The following SLC9A9 variants were observed in gnomAD, a reference collection of about 807,000 sequenced individuals.
SLC9A9 encodes the protein sodium/hydrogen exchanger 9.
Under a neutral mutation model 77.8 loss-of-function variants are expected in SLC9A9, and 62 were observed. The ratio of observed to expected loss-of-function variants is 0.80; its 90% CI spans 0.65 to 0.98. The LOEUF (loss-of-function observed/expected upper bound fraction) is 0.98, where lower values mean the gene tolerates loss of function less well. Ranked by LOEUF, SLC9A9 falls within the 50% of genes least tolerant of loss-of-function variation. The probability of loss-of-function intolerance (pLI) is 0.00; values close to 1 mark genes in which losing one functional copy is unlikely to be tolerated. For missense variants in SLC9A9, 775 were observed against 774.9 expected, an observed-to-expected ratio of 1.00 and a Z score of 0.00; for synonymous variants, 320 against 283.5, an observed-to-expected ratio of 1.13 and a Z score of -1.29.
rs182367357 is a variant in SLC9A9, at chr3:143,778,243, T to C, written c.533+16758A>G. Among the ~76,000 whole-genome samples, 13 of 152,226 alleles carry C rather than the reference T, an allele frequency of 8.5e-5. No homozygotes were observed. The East Asian group carries it at 1.5e-3, about 18-fold the overall frequency. ...CAGCACTGGTCTACAGACAACACTA[T>C]CAGTAAGATTGTACTAATGGCCTTT... On this transcript the variant is annotated intron_variant, in intron 4 of 15. Transcript: ENST00000316549.
At chr3:143,718,407 A>C (rs1268138386) in intron 4 of SLC9A9, among the ~76,000 whole-genome samples, 1 of 152,200 alleles carries the variant, frequency 6.6e-6, no homozygotes, top group Non-Finnish European at 1.5e-5. Context: ...AACAGTATCC[A>C]TAACACCAAC....
Position 143,266,689 on chromosome 3 carries a change from C to T in SLC9A9, c.*13G>A, listed in dbSNP as rs1356720882. ...TGCATTACTTGTGATTACATCTGTA[C>T]TCTTCATGCCAATTAATTCAACTGG... is the stretch of plus-strand genomic sequence containing the variant. On this transcript the variant is annotated 3_prime_UTR_variant, in exon 16 of 16. Transcript: ENST00000316549. The T allele has an allele frequency of 1.2e-6, 2 of 1,613,668 alleles. No individual in the cohort carries two copies. Among genetic ancestry groups the T allele is most frequent in the East Asian group, 2.2e-5 (1 of 44,852 alleles).
chr3:143,778,037 CA>C (rs748982877), intron 4 of SLC9A9, among the ~76,000 whole-genome samples: 1,483 of 75,558 alleles, frequency 0.02, 100 homozygotes, highest in African/African-American at 0.068. Flanking sequence ...TTATAAAATG[CA>C]AAAAAAAAAA....
intron 12 of SLC9A9, among the ~76,000 whole-genome samples, chr3:143,419,816 T>A (rs114972908): frequency 6.6e-6 from 1 of 152,180 alleles, no homozygotes; most frequent in East Asian, 1.9e-4. Context: ...AGGTTGATGA[T>A]GCTGAATTTA....
chr3:143,429,695 T>G (rs1459982155), intron 12 of SLC9A9, among the ~76,000 whole-genome samples: 4 of 151,778 alleles, frequency 2.6e-5, no homozygotes, highest in Non-Finnish European at 2.9e-5. Context: ...AGGAGGGGAG[T>G]GCACACCCAG....
chr3:143,600,531 A>G (rs2037830100), intron 6 of SLC9A9, among the ~76,000 whole-genome samples: 1 of 152,208 alleles, frequency 6.6e-6, no homozygotes, highest in Non-Finnish European at 1.5e-5. Context: ...CACATGGGTA[A>G]GTTGAGCTTT....
intron 4 of SLC9A9, among the ~76,000 whole-genome samples, chr3:143,752,802 C>A (rs1328506735): frequency 6.6e-6 from 1 of 151,650 alleles, no homozygotes; most frequent in Non-Finnish European, 1.5e-5. Flanking sequence ...GGGAGATAAG[C>A]TTTGCTCCCA....
intron 6 of SLC9A9, among the ~76,000 whole-genome samples, chr3:143,613,350 TAA>T (rs1314203762): frequency 3.3e-5 from 5 of 152,172 alleles, no homozygotes; most frequent in African/African-American, 7.2e-5. Flanking sequence ...AAAAGAAAAT[TAA>T]GACTGTTGTG....
chr3:143,700,340 A>G (rs1418086636), intron 4 of SLC9A9, among the ~76,000 whole-genome samples: 2 of 152,086 alleles, frequency 1.3e-5, no homozygotes, highest in East Asian at 3.9e-4. Context: ...CTTGCACCTC[A>G]GGTATCTGCT....
chr3:143,463,693 A>G lies in SLC9A9; in HGVS notation c.1469+3344T>C, dbSNP rs116001069. Reference sequence around the variant, plus strand: ...GAGGAGTCTTTTCCTTTTCTCCAGAATTTTAAAAAGCAAAGGTCTGATTTA... The same window carrying G: ...GAGGAGTCTTTTCCTTTTCTCCAGAGTTTTAAAAAGCAAAGGTCTGATTTA... On this transcript the variant is annotated intron_variant, in intron 12 of 15. Coordinates refer to ENST00000316549, the MANE Select transcript of SLC9A9 (RefSeq NM_173653.4). 7.6e-3 allele frequency among the ~76,000 whole-genome samples: 1,153 copies of G among 152,290 alleles called. 19 individuals are homozygous for G. The highest frequency in any genetic ancestry group is 0.026 in the African/African-American group (1,100 of 41,556).
chr3:143,407,489 C>T (rs533573249), intron 12 of SLC9A9, among the ~76,000 whole-genome samples: 4 of 152,214 alleles, frequency 2.6e-5, no homozygotes, highest in African/African-American at 9.6e-5. Flanking sequence ...TGAATAAAAA[C>T]TTTATGTAAC....
chr3:143,478,414 C>T (rs1368313311), intron 11 of SLC9A9, among the ~76,000 whole-genome samples: 2 of 152,154 alleles, frequency 1.3e-5, no homozygotes, highest in African/African-American at 2.4e-5. Context: ...CATGGAACCC[C>T]CAGTTCTCGA....
intron 4 of SLC9A9, among the ~76,000 whole-genome samples, chr3:143,722,464 C>T (rs1391389019): frequency 1.2e-5 from 1 of 83,754 alleles, no homozygotes; most frequent in Non-Finnish European, 2.1e-5. Flanking sequence ...CAGAGCGAGA[C>T]TCCATCTCAA....
chr3:143,274,334 G>A (rs1388170733), intron 14 of SLC9A9, among the ~76,000 whole-genome samples: 4 of 152,070 alleles, frequency 2.6e-5, no homozygotes, highest in Non-Finnish European at 4.4e-5. Flanking sequence ...CTTTACACTT[G>A]TAATTGGGTA....
chr3:143,487,835 A>T (rs1043569193), intron 11 of SLC9A9, among the ~76,000 whole-genome samples: 1 of 151,786 alleles, frequency 6.6e-6, no homozygotes. Context: ...CAACTTAAAT[A>T]AACAAGAAAA....
Position 143,795,066 on chromosome 3 carries a change from A to G in SLC9A9, c.468T>C (p.Phe156=), listed in dbSNP as rs776876304. 3.7e-6 allele frequency: 6 copies of G among 1,613,380 alleles called. No homozygotes were observed. The highest frequency in any genetic ancestry group is 1.3e-5 in the African/African-American group (1 of 75,002). ...ACGTTAAAATAGATCCTAAGTTTTG[A>G]AAAAAGTGTCTCTGGGGAGAAAAAA... ...AGYSLKKRHF[F]QNLGSILTYA... Residue 156 remains phenylalanine, a synonymous_variant, in exon 4 of 16, where the codon TTT becomes TTC. Coordinates refer to ENST00000316549, the MANE Select transcript of SLC9A9 (RefSeq NM_173653.4).
intron 14 of SLC9A9, among the ~76,000 whole-genome samples, chr3:143,318,773 C>T (rs6806620): frequency 0.081 from 12,339 of 152,088 alleles, 1,115 homozygotes; most frequent in African/African-American, 0.22. Flanking sequence ...CAAATGTAGA[C>T]GTTGCTTGAA....
intron 5 of SLC9A9, among the ~76,000 whole-genome samples, chr3:143,657,300 G>A (rs1459941196): frequency 1.3e-5 from 2 of 152,164 alleles, no homozygotes; most frequent in Non-Finnish European, 2.9e-5. Flanking sequence ...GAGGAATTTA[G>A]CCCTAAAACT....
intron 8 of SLC9A9, among the ~76,000 whole-genome samples, chr3:143,567,929 C>T (rs1576581769): frequency 1.3e-5 from 2 of 152,304 alleles, no homozygotes; most frequent in Admixed American, 1.3e-4. Context: ...GAGGCTGTGC[C>T]GTCTTTGAGA....
Sources: gnomAD v4.1 joint callset for allele counts (sites outside exome capture counted in the v4.1 genomes callset) on GRCh38, gnomAD v4.1.1 for gene constraint, MANE v1.5 for transcripts, NCBI Gene and HGNC (gene_info 2026-07-23, HGNC 2026-07-21) for gene names.